Variants in FNDC3B observed in about 807,000 individuals in gnomAD.
FNDC3B encodes the protein fibronectin type III domain containing 3B, also known as fibronectin type III domain-containing protein 3B.
FNDC3B carries 12 observed loss-of-function variants against 151.5 expected under a neutral mutation model. The ratio of observed to expected loss-of-function variants is 0.08; its 90% CI spans 0.05 to 0.13. The LOEUF is 0.13. Ranked by LOEUF, FNDC3B falls within the 10% of genes least tolerant of loss-of-function variation. The probability of loss-of-function intolerance (pLI) is 1.00; values close to 1 mark genes in which losing one functional copy is unlikely to be tolerated. For synonymous variants in FNDC3B, 528 were observed against 549.0 expected, an observed-to-expected ratio of 0.96 and a Z score of 0.54; for missense variants, 1,214 against 1,505.3, an observed-to-expected ratio of 0.81 and a Z score of 3.20.
chr3:172,252,357 A>G (rs1463722228), intron 6 of FNDC3B, among the ~76,000 whole-genome samples: 1 of 152,048 alleles, frequency 6.6e-6, no homozygotes, highest in Non-Finnish European at 1.5e-5. Context: ...AAAGACTTGA[A>G]CAACTTTTAA....
chr3:172,392,810 C>CTTTTTTTTTTTTTTTTTTTTTTT (rs1167627679), intron 25 of FNDC3B, among the ~76,000 whole-genome samples: 5 of 99,874 alleles, frequency 5.0e-5, no homozygotes, highest in Non-Finnish European at 9.3e-5. Flanking sequence ...TTTTTTTTTT[C>CTTTTTTTTTTTTTTTTTTTTTTT]TTTTTTTTTT....
At chr3:172,063,212 C>G (rs1717308705) in intron 1 of FNDC3B, among the ~76,000 whole-genome samples, 1 of 151,994 alleles carries the variant, frequency 6.6e-6, no homozygotes, top group African/African-American at 2.4e-5. Context: ...TTGTCTTTTT[C>G]TACAGTCTAT....
rs370332032 is a variant in FNDC3B, at chr3:172,299,743, C to T, written c.1061+956C>T. On this transcript the variant is annotated intron_variant, in intron 9 of 25. Transcript: ENST00000415807. ...TACATCATGAGTTTCTTTGTGATTT[C>T]GGGATGAGGTTGGAGGCAAGGTAGC... Among the ~76,000 whole-genome samples the T allele has an allele frequency of 1.5e-3, 235 of 151,852 alleles. 5 individuals carry two copies. The South Asian group carries it at 0.047, about 30-fold the overall frequency.
intron 1 of FNDC3B, among the ~76,000 whole-genome samples, chr3:172,082,302 C>T (rs1315260162): frequency 6.6e-6 from 1 of 152,156 alleles, no homozygotes; most frequent in African/African-American, 2.4e-5. Flanking sequence ...CCTGCCTGAC[C>T]CAGTCATTTA....
chr3:172,091,307 T>G (rs1380614006), intron 1 of FNDC3B, among the ~76,000 whole-genome samples: 1 of 152,258 alleles, frequency 6.6e-6, no homozygotes, highest in Non-Finnish European at 1.5e-5. Flanking sequence ...TGCAAATGCT[T>G]CTTTTCATAC....
At chr3:172,285,109 T>C (rs922785141) in intron 6 of FNDC3B, among the ~76,000 whole-genome samples, 1 of 152,084 alleles carries the variant, frequency 6.6e-6, no homozygotes, top group Non-Finnish European at 1.5e-5. Context: ...ATTTCCCTCG[T>C]GTTATTAAAA....
intron 1 of FNDC3B, among the ~76,000 whole-genome samples, chr3:172,063,927 G>A (rs1342702810): frequency 6.6e-6 from 1 of 152,104 alleles, no homozygotes; most frequent in East Asian, 1.9e-4. Context: ...GGGGCCTTTA[G>A]GAGACAGTTA....
intron 16 of FNDC3B, among the ~76,000 whole-genome samples, chr3:172,339,711 A>C (rs373915986): frequency 1.4e-4 from 21 of 152,196 alleles, no homozygotes; most frequent in East Asian, 9.6e-4. Flanking sequence ...GGCTCCCTTT[A>C]GCTACTGATG....
intron 7 of FNDC3B, among the ~76,000 whole-genome samples, chr3:172,294,422 C>T (rs1300021433): frequency 6.6e-6 from 1 of 152,100 alleles, no homozygotes; most frequent in Non-Finnish European, 1.5e-5. Context: ...CTTACGTTGC[C>T]CGAGAAGGAG....
rs1006789481 is a variant in FNDC3B, at chr3:172,040,500, G to A, written c.-29+729G>A. The A allele has an allele frequency of 1.3e-5, 2 of 151,816 alleles. No homozygotes were observed. Among genetic ancestry groups the A allele is most frequent in the African/African-American group, 4.8e-5 (2 of 41,384 alleles). The allele number at this position is 151,816 out of a possible 1,614,324, so 9.4% of individuals were successfully genotyped here. A position where few individuals can be genotyped will look rare whatever the true frequency, so the allele number is the denominator to read the frequency against. ...CCGTCCTGCCCCCCGGGCTCCCCCC[G>A]GGCTGGGGGCGGTAACCGGCGGCCG... On this transcript the variant is annotated intron_variant, in intron 1 of 25. Transcript: ENST00000415807. This position sits in a 1 kb window ranked among gnomAD's most constrained non-coding sequence, Gnocchi z 6.6.
chr3:172,263,822 T>C (rs1298628355), intron 6 of FNDC3B, among the ~76,000 whole-genome samples: 1 of 152,168 alleles, frequency 6.6e-6, no homozygotes, highest in Admixed American at 6.6e-5. Context: ...GAGGACTGTT[T>C]AGAGTAAGTT....
At chr3:172,079,406 T>C (rs978289804) in intron 1 of FNDC3B, among the ~76,000 whole-genome samples, 2 of 152,216 alleles carry the variant, frequency 1.3e-5, no homozygotes, top group African/African-American at 4.8e-5. Context: ...TCCCAGATGC[T>C]TCTGCTAGTT....
Position 172,397,098 on chromosome 3 carries a change from C to T in FNDC3B, c.3304-66C>T, listed in dbSNP as rs866730862. On this transcript the variant is annotated intron_variant, in intron 25 of 25. Transcript: ENST00000415807. ...AAGAGTGAATGGAGTGAATCTAAAC[C>T]AAGATTCTTCTAGAGACAACAGTGT... The T allele has an allele frequency of 2.4e-5, 31 of 1,318,812 alleles. 1 individual carries two copies. The South Asian group carries it at 4.3e-4, about 18-fold the overall frequency. The allele number at this position is 1,318,812 out of a possible 1,614,324, so 81.7% of individuals were successfully genotyped here.
intron 3 of FNDC3B, among the ~76,000 whole-genome samples, chr3:172,180,541 T>C (rs1017576227): frequency 6.6e-6 from 1 of 152,206 alleles, no homozygotes; most frequent in African/African-American, 2.4e-5. Context: ...GCATCCTTCT[T>C]TTATACAAAG....
chr3:172,245,158 T>G (rs769244053), intron 4 of FNDC3B, among the ~76,000 whole-genome samples: 1 of 152,248 alleles, frequency 6.6e-6, no homozygotes, highest in Non-Finnish European at 1.5e-5. Flanking sequence ...TAGTGCTTTT[T>G]GATAATTTTT....
chr3:172,266,784 C>A lies in FNDC3B; in HGVS notation c.790+15243C>A, dbSNP rs541616255. 3.9e-5 allele frequency among the ~76,000 whole-genome samples: 6 copies of A among 152,324 alleles called. No homozygotes were observed. In the South Asian group the frequency reaches 1.2e-3, roughly 32 times the overall value. On this transcript the variant is annotated intron_variant, in intron 6 of 25. Transcript: ENST00000415807. ...TGCCTTATAAGAATACATGTGATCT[C>A]ATTTAGGTCCCATCTGGATAACTCA... is the stretch of plus-strand genomic sequence containing the variant.
At chr3:172,115,660 G>A (rs1158891929) in intron 2 of FNDC3B, among the ~76,000 whole-genome samples, 1 of 152,094 alleles carries the variant, frequency 6.6e-6, no homozygotes, top group Non-Finnish European at 1.5e-5. Flanking sequence ...TGACTCTAGG[G>A]GTGGACATTG....
chr3:172,167,822 G>A (rs578142689), intron 3 of FNDC3B, among the ~76,000 whole-genome samples: 7 of 152,232 alleles, frequency 4.6e-5, no homozygotes, highest in Middle Eastern at 6.8e-3. Context: ...TCTAGGTTGC[G>A]TACTCCTTAT....
In FNDC3B at chr3:172,375,597, T is replaced by C. The variant is rs916085806; in HGVS notation, c.3009-2673T>C. ...TGAGAACAAAATAAAAGAGCTCTTC[T>C]CCATGCCCCTCTCATAATTTCTTCC... On this transcript the variant is annotated intron_variant, in intron 23 of 25. Transcript: ENST00000415807. 1.2e-4 allele frequency among the ~76,000 whole-genome samples: 18 copies of C among 152,332 alleles called. No individual in the cohort carries two copies. In the East Asian group the frequency reaches 3.5e-3, roughly 29 times the overall value.
Sources: gnomAD v4.1 joint callset for allele counts (sites outside exome capture counted in the v4.1 genomes callset) on GRCh38, gnomAD v4.1.1 for gene constraint, Gnocchi (gnomAD v3.1) non-coding constraint, MANE v1.5 for transcripts, NCBI Gene and HGNC (gene_info 2026-07-23, HGNC 2026-07-21) for gene names.